Variants in MYO7B observed in about 807,000 individuals in gnomAD.
MYO7B encodes unconventional myosin-VIIb.
MYO7B carries 212 observed loss-of-function variants against 259.7 expected under a neutral mutation model. The ratio of observed to expected loss-of-function variants is 0.82; its 90% confidence interval spans 0.73 to 0.91. The LOEUF is 0.91. Ranked by LOEUF, MYO7B falls within the 40% of genes least tolerant of loss-of-function variation. MYO7B has a pLI of 0.00. For missense variants in MYO7B, 2,732 were observed against 2,813.5 expected (o/e 0.97, Z 0.66); for synonymous variants, 1,197 against 1,166.4 (o/e 1.03, Z -0.54).
In MYO7B at chr2:127,585,272, G is replaced by C. The variant is rs1002086680; in HGVS notation, c.1690+359G>C. 1.3e-5 allele frequency among the ~76,000 whole-genome samples: 2 copies of C among 152,058 alleles called. No homozygotes were observed. Among genetic ancestry groups the C allele is most frequent in the Non-Finnish European group, 2.9e-5 (2 of 68,024 alleles). On this transcript the variant is annotated intron_variant, in intron 14 of 47. Coordinates refer to ENST00000409816, the MANE Select transcript of MYO7B (RefSeq NM_001393586.1). The surrounding 1 kb of genome is among the most constrained non-coding windows in gnomAD (Gnocchi z 4.3). The stretch of plus-strand genomic sequence containing the variant: ...CACTCCCATTTCCCCCCAGCCCTGG[G>C]CAACAATTAATTTCTGTCTCTATGG...
Position 127,636,982 on chromosome 2 carries a change from C to A in MYO7B, c.6327+69C>A, listed in dbSNP as rs1681865014. ...GCTGCTGGAGACTGGGTTCCCCACCCTCACCCCTTTCAAGTGGCTCACTAA... is the reference window on the plus strand; with the variant it reads ...GCTGCTGGAGACTGGGTTCCCCACCATCACCCCTTTCAAGTGGCTCACTAA... On this transcript the variant is annotated intron_variant, in intron 47 of 47. Coordinates refer to ENST00000409816, the MANE Select transcript of MYO7B (RefSeq NM_001393586.1). The surrounding 1 kb of genome is among the most constrained non-coding windows in gnomAD (Gnocchi z 4.5). 1 of 1,590,996 alleles carries A rather than the reference C, an allele frequency of 6.3e-7. No individual in the cohort carries two copies. Among genetic ancestry groups the A allele is most frequent in the Non-Finnish European group, 8.5e-7 (1 of 1,175,240 alleles).
chr2:127,628,142 C>A lies in MYO7B; in HGVS notation c.4461-230C>A. The A allele has an allele frequency of 1.5e-6, 1 of 675,540 alleles. No homozygotes were observed. The allele number at this position is 675,540 out of a possible 1,614,324, so 41.8% of individuals were successfully genotyped here. A position where few individuals can be genotyped will look rare whatever the true frequency, so the allele number is the denominator to read the frequency against. Reference sequence around the variant, plus strand: ...AGCCACCTCATTATCTGCCCACAGCCAACCCCACACATGGGCTGCACCACT... The same window carrying A: ...AGCCACCTCATTATCTGCCCACAGCAAACCCCACACATGGGCTGCACCACT... On this transcript the variant is annotated intron_variant, in intron 33 of 47. Coordinates refer to ENST00000409816, the MANE Select transcript of MYO7B (RefSeq NM_001393586.1). The surrounding 1 kb of genome is among the most constrained non-coding windows in gnomAD (Gnocchi z 4.8).
rs1400859442 is a variant in MYO7B, at chr2:127,628,560, G to A, written c.4624+25G>A. 2 of 1,268,458 alleles carry A rather than the reference G, an allele frequency of 1.6e-6. No individual in the cohort carries two copies. The highest frequency in any genetic ancestry group is 2.7e-5 in the East Asian group (1 of 37,598). The allele number at this position is 1,268,458 out of a possible 1,614,324, so 78.6% of individuals were successfully genotyped here. A position where few individuals can be genotyped will look rare whatever the true frequency, so the allele number is the denominator to read the frequency against. On this transcript the variant is annotated intron_variant, in intron 34 of 47. Coordinates refer to ENST00000409816, the MANE Select transcript of MYO7B (RefSeq NM_001393586.1). The surrounding 1 kb of genome is among the most constrained non-coding windows in gnomAD (Gnocchi z 4.8). ...GGTGCCAGACTGGGTGGGGTGGGGTGGGGTGGGGTGGGGTGGGGGAGGGCC... is the reference window on the plus strand; with the variant it reads ...GGTGCCAGACTGGGTGGGGTGGGGTAGGGTGGGGTGGGGTGGGGGAGGGCC...
chr2:127,559,872 A>T lies in MYO7B; in HGVS notation c.18+132A>T, dbSNP rs2104845959. The T allele has an allele frequency of 9.3e-7, 1 of 1,073,754 alleles. No individual in the cohort carries two copies. Among genetic ancestry groups the T allele is most frequent in the East Asian group, 2.4e-5 (1 of 41,860 alleles). The allele number at this position is 1,073,754 out of a possible 1,614,324, so 66.5% of individuals were successfully genotyped here. A position where few individuals can be genotyped will look rare whatever the true frequency, so the allele number is the denominator to read the frequency against. ...AATACCAGAGACAGGGGAGTTTAGG[A>T]AACACGACAGATTCTAGCATCTAAA... On this transcript the variant is annotated intron_variant, in intron 2 of 47. Coordinates refer to ENST00000409816, the MANE Select transcript of MYO7B (RefSeq NM_001393586.1). This position sits in a 1 kb window ranked among gnomAD's most constrained non-coding sequence, Gnocchi z 4.1.
At position 127,607,406 on chromosome 2, in the gene MYO7B, C is replaced by G; in HGVS notation, c.2625C>G (p.Phe875Leu). 6.4e-7 allele frequency: 1 copy of G among 1,551,104 alleles called. No individual in the cohort carries two copies. Among genetic ancestry groups the G allele is most frequent in the East Asian group, 2.4e-5 (1 of 40,910 alleles). Residue 875 changes from phenylalanine to leucine, a missense_variant, in exon 21 of 48, where the codon TTC becomes TTG. Around this residue, in one of 3 missense-constraint regions of MYO7B, gnomAD observed 1,906 missense variants for 2,026.4 expected, o/e 0.94. Coordinates refer to ENST00000409816, the MANE Select transcript of MYO7B (RefSeq NM_001393586.1). The surrounding 1 kb of genome is among the most constrained non-coding windows in gnomAD (Gnocchi z 4.4). Reference sequence around the variant, plus strand: ...GGGGCATGGCTGCCCGGCGCAACTTCCAGCAAAGGAAGGCCAATGTAGGTG... The same window carrying G: ...GGGGCATGGCTGCCCGGCGCAACTTGCAGCAAAGGAAGGCCAATGTAGGTG... Reference protein sequence around the residue: ...HARGMAARRNFQQRKANAPLV... With the variant: ...HARGMAARRNLQQRKANAPLV...
At position 127,637,706 on chromosome 2, in the gene MYO7B, A is replaced by G. The variant is rs1681934499; in HGVS notation, c.*289A>G. The G allele has an allele frequency of 2.8e-6, 1 of 357,340 alleles. No individual in the cohort carries two copies. The highest frequency in any genetic ancestry group is 1.0e-4 in the South Asian group (1 of 10,012). The allele number at this position is 357,340 out of a possible 1,614,324, so 22.1% of individuals were successfully genotyped here. A position where few individuals can be genotyped will look rare whatever the true frequency, so the allele number is the denominator to read the frequency against. ...CCACCCCACCCCACCAGAATGTTCA[A>G]TAAAAACTCCTGGAGCAGGAGAAGT... is the stretch of plus-strand genomic sequence containing the variant. On this transcript the variant is annotated 3_prime_UTR_variant, in exon 48 of 48. Coordinates refer to ENST00000409816, the MANE Select transcript of MYO7B (RefSeq NM_001393586.1).
At chr2:127,583,871 A>T (rs950919244) in intron 12 of MYO7B, among the ~76,000 whole-genome samples, 3 of 152,202 alleles carry the variant, frequency 2.0e-5, no homozygotes, top group Admixed American at 6.5e-5. Flanking sequence ...CGAGGACTTG[A>T]TGATATGCTG....
At chr2:127,602,245 T>C (rs1340216915) in intron 19 of MYO7B, among the ~76,000 whole-genome samples, 1 of 152,218 alleles carries the variant, frequency 6.6e-6, no homozygotes, top group Non-Finnish European at 1.5e-5. Flanking sequence ...CTGTCATCAT[T>C]TTACCACTTC....
At position 127,576,459 on chromosome 2, in the gene MYO7B, G is replaced by GT; in HGVS notation, c.736-135dup. On this transcript the variant is annotated intron_variant, in intron 7 of 47. Coordinates refer to ENST00000409816, the MANE Select transcript of MYO7B (RefSeq NM_001393586.1). This position sits in a 1 kb window ranked among gnomAD's most constrained non-coding sequence, Gnocchi z 4.9. The stretch of plus-strand genomic sequence containing the variant: ...AGCAACCAAGCCAGGCTGGCCCTGG[G>GT]TCAGTGCCAGAGCTGCTCCTGGCTG... 1.9e-6 allele frequency: 1 copy of GT among 538,564 alleles called. No homozygotes were observed. Among genetic ancestry groups the GT allele is most frequent in the Non-Finnish European group, 3.2e-6 (1 of 310,908 alleles). The allele number at this position is 538,564 out of a possible 1,614,324, so 33.4% of individuals were successfully genotyped here. A position where few individuals can be genotyped will look rare whatever the true frequency, so the allele number is the denominator to read the frequency against.
intron 24 of MYO7B, among the ~76,000 whole-genome samples, chr2:127,610,778 T>C (rs536592651): frequency 6.6e-6 from 1 of 152,328 alleles, no homozygotes; most frequent in African/African-American, 2.4e-5. Context: ...ACTAACTGCA[T>C]AGGAATCTAA....
Position 127,623,203 on chromosome 2 carries a change from C to T in MYO7B, c.3647C>T (p.Ala1216Val). ...AEPPTWLELQAVKSKKHIPIQ... is the reference protein window; with the variant it reads ...AEPPTWLELQVVKSKKHIPIQ... The stretch of plus-strand genomic sequence containing the variant: ...GAACTGAATCTCATCTGTCCCCAGG[C>T]TGTCAAGTCCAAGAAGCACATCCCC... The change falls in exon 29 of 48, where the codon GCT becomes GTT. Residue 1216 changes from alanine (A) to valine (V), a missense_variant and splice_region_variant. Ala to Val is a moderately conservative substitution (Grantham distance 64). Coordinates refer to ENST00000409816, the MANE Select transcript of MYO7B (RefSeq NM_001393586.1). 6.2e-7 allele frequency: 1 copy of T among 1,613,470 alleles called. No homozygotes were observed. Among genetic ancestry groups the T allele is most frequent in the Non-Finnish European group, 8.5e-7 (1 of 1,179,750 alleles).
In MYO7B at chr2:127,581,980, G is replaced by A; in HGVS notation, c.1170G>A (p.Gln390=). 1 of 1,613,954 alleles carries A rather than the reference G, an allele frequency of 6.2e-7. No homozygotes were observed. The highest frequency in any genetic ancestry group is 8.5e-7 in the Non-Finnish European group (1 of 1,179,888). ...TCACCAGGTCCCTGAACATTGCCCA[G>A]GCTGCTGACCGGAGGGACGCCTTTG... ...EFVTRSLNIA[Q]AADRRDAFVK... Residue 390 remains glutamine (Q), a synonymous_variant, in exon 11 of 48, where the codon CAG becomes CAA. Coordinates refer to ENST00000409816, the MANE Select transcript of MYO7B (RefSeq NM_001393586.1).
rs377170565 is a variant in MYO7B, at chr2:127,627,110, G to C, written c.4333+18G>C. The C allele has an allele frequency of 1.0e-4, 166 of 1,607,256 alleles. No individual in the cohort carries two copies. Among genetic ancestry groups the C allele is most frequent in the Non-Finnish European group, 1.3e-4 (157 of 1,177,278 alleles). Reference sequence around the variant, plus strand: ...ACTCTCAGGTAATGGCATCTGACAGGGGGCAGGGAGCAGGTATGGGCTGGG... The same window carrying C: ...ACTCTCAGGTAATGGCATCTGACAGCGGGCAGGGAGCAGGTATGGGCTGGG... On this transcript the variant is annotated intron_variant, in intron 32 of 47. Coordinates refer to ENST00000409816, the MANE Select transcript of MYO7B (RefSeq NM_001393586.1). The surrounding 1 kb of genome is among the most constrained non-coding windows in gnomAD (Gnocchi z 5.6).
In MYO7B at chr2:127,635,194, G is replaced by C. The variant is rs756726543; in HGVS notation, c.5788G>C (p.Val1930Leu). 1 of 1,613,666 alleles carries C rather than the reference G, an allele frequency of 6.2e-7. No homozygotes were observed. Among genetic ancestry groups the C allele is most frequent in the African/African-American group, 1.3e-5 (1 of 75,038 alleles). ...LWLNISPGKD[V>L]NADTILHYHQ... ...GCTCAACATATCTCCAGGGAAGGAT[G>C]TGAATGCAGACACCATACTCCATTA... The change falls in exon 43 of 48, where the codon GTG becomes CTG. Residue 1930 changes from valine to leucine, a missense_variant. Coordinates refer to ENST00000409816, the MANE Select transcript of MYO7B (RefSeq NM_001393586.1).
intron 1 of MYO7B, among the ~76,000 whole-genome samples, chr2:127,537,266 T>C (rs1692820311): frequency 6.6e-6 from 1 of 152,180 alleles, no homozygotes; most frequent in Non-Finnish European, 1.5e-5. Flanking sequence ...AACTGGCCTG[T>C]CTGGGGCTCC....
intron 38 of MYO7B, 128 bp from the exon 39 acceptor site, chr2:127,632,118 G>A (rs1681546935): frequency 1.8e-6 from 2 of 1,114,960 alleles, no homozygotes; most frequent in South Asian, 1.6e-5. Context: ...GTGCAGCCTG[G>A]CAGGTGCCCT....
At chr2:127,598,155 G>T (rs1679840646) in intron 19 of MYO7B, among the ~76,000 whole-genome samples, 1 of 152,222 alleles carries the variant, frequency 6.6e-6, no homozygotes, top group Non-Finnish European at 1.5e-5. Flanking sequence ...TCATACAACG[G>T]TTACAAGTTT....
chr2:127,538,076 G>A (rs772527416), intron 1 of MYO7B, among the ~76,000 whole-genome samples: 2 of 152,140 alleles, frequency 1.3e-5, no homozygotes, highest in African/African-American at 2.4e-5. Flanking sequence ...CAGAGGAGGC[G>A]GTCCTGGGGC....
At chr2:127,572,817 C>T (rs781687578) in intron 6 of MYO7B, among the ~76,000 whole-genome samples, 6 of 152,048 alleles carry the variant, frequency 3.9e-5, no homozygotes, top group South Asian at 2.1e-4. Context: ...CTATAGGAAG[C>T]GGTGCAATCA....
Sources: allele counts gnomAD v4.1 joint callset (sites outside exome capture counted in the v4.1 genomes callset), GRCh38; gene constraint gnomAD v4.1.1; regional missense constraint gnomAD v4.1.1; non-coding constraint Gnocchi (gnomAD v3.1); transcripts MANE v1.5; gene names NCBI Gene and HGNC (gene_info 2026-07-23, HGNC 2026-07-21).